MFHAS1: variants seen among roughly 807,000 people sequenced by gnomAD.
The protein encoded by MFHAS1 is malignant fibrous histiocytoma-amplified sequence 1.
Under a neutral mutation model 70.4 loss-of-function variants are expected in MFHAS1, and 50 were observed. The observed-to-expected ratio is 0.71, with a 90% confidence interval of 0.57 to 0.90. The LOEUF is 0.90. MFHAS1 is among the 40% of genes least tolerant of loss of function. The pLI, the probability that MFHAS1 is intolerant of heterozygous loss-of-function variation, is 0.00. For synonymous variants in MFHAS1, 952 were observed against 620.0 expected (o/e 1.54, Z -7.96); for missense variants, 1,795 against 1,347.6 (o/e 1.33, Z -5.20).
At chr8:8,817,159 T>A (rs921494905) in intron 1 of MFHAS1, among the ~76,000 whole-genome samples, 1 of 151,904 alleles carries the variant, frequency 6.6e-6, no homozygotes, top group Non-Finnish European at 1.5e-5. Flanking sequence ...AAGAGCACCA[T>A]CCTCTCTCCA....
At chr8:8,874,001 A>G (rs1243200579) in intron 1 of MFHAS1, among the ~76,000 whole-genome samples, 1 of 152,238 alleles carries the variant, frequency 6.6e-6, no homozygotes, top group Non-Finnish European at 1.5e-5. Context: ...GTGTTCCAAT[A>G]CACATCACCA....
chr8:8,784,456 T>C lies in MFHAS1; in HGVS notation c.*1566A>G, dbSNP rs924702180. Reference sequence around the variant, plus strand: ...GTCTGATCCCATTCGATTTTTATCATCATAAGAAATCATTCTCTGAACTGC... The same window carrying C: ...GTCTGATCCCATTCGATTTTTATCACCATAAGAAATCATTCTCTGAACTGC... On this transcript the variant is annotated 3_prime_UTR_variant, in exon 3 of 3. Coordinates refer to ENST00000276282, the MANE Select transcript of MFHAS1 (RefSeq NM_004225.3). The C allele has an allele frequency of 5.3e-5, 8 of 152,240 alleles. No homozygotes were observed. Among genetic ancestry groups the C allele is most frequent in the Admixed American group, 5.2e-4 (8 of 15,286 alleles). 9.4% of individuals were successfully genotyped at this position (152,240 alleles called of 1,614,324 possible).
At chr8:8,871,486 G>A (rs1220440712) in intron 1 of MFHAS1, among the ~76,000 whole-genome samples, 2 of 152,154 alleles carry the variant, frequency 1.3e-5, no homozygotes, top group Non-Finnish European at 2.9e-5. Context: ...GGAGGTGGAG[G>A]TTGCAGTGAG....
At position 8,832,205 on chromosome 8, in the gene MFHAS1, A is replaced by T. The variant is rs149088039; in HGVS notation, c.2999-34714T>A. Among the ~76,000 whole-genome samples, 678 of 152,192 alleles carry T rather than the reference A, an allele frequency of 4.5e-3. 7 individuals are homozygous for T. Among genetic ancestry groups the T allele is most frequent in the African/African-American group, 0.016 (653 of 41,514 alleles). ...GACAGAAAGAAAGAAAAAAAAAAGT[A>T]CTAACCAGAAGACTTCGACAAATTG... is the stretch of plus-strand genomic sequence containing the variant. On this transcript the variant is annotated intron_variant, in intron 1 of 2. Coordinates refer to ENST00000276282, the MANE Select transcript of MFHAS1 (RefSeq NM_004225.3).
At chr8:8,875,781 C>G (rs374627397) in intron 1 of MFHAS1, among the ~76,000 whole-genome samples, 1 of 152,214 alleles carries the variant, frequency 6.6e-6, no homozygotes, top group South Asian at 2.1e-4. Flanking sequence ...TTACTAGAGA[C>G]GGGGTTTCAC....
chr8:8,891,326 T>C lies in MFHAS1; in HGVS notation c.1733A>G (p.Glu578Gly). 1 of 1,611,252 alleles carries C rather than the reference T, an allele frequency of 6.2e-7. No homozygotes were observed. Reference sequence around the variant, plus strand: ...CAGCTCGAAGTCCCGGGCCAGTGCCTCGTCCACCACCTTGGCCAAGCGGCT... The same window carrying C: ...CAGCTCGAAGTCCCGGGCCAGTGCCCCGTCCACCACCTTGGCCAAGCGGCT... ...GLSRLAKVVDEALARDFELRS... is the reference protein window; with the variant it reads ...GLSRLAKVVDGALARDFELRS... The change falls in exon 1 of 3, where the codon GAG (glutamate) becomes GGG (glycine). Residue 578 changes from glutamate (E) to glycine (G), a missense_variant. Coordinates refer to ENST00000276282, the MANE Select transcript of MFHAS1 (RefSeq NM_004225.3). This position sits in a 1 kb window ranked among gnomAD's most constrained non-coding sequence, Gnocchi z 5.4.
chr8:8,841,865 T>C (rs1807839646), intron 1 of MFHAS1, among the ~76,000 whole-genome samples: 2 of 152,350 alleles, frequency 1.3e-5, no homozygotes, highest in Non-Finnish European at 1.5e-5. Context: ...TTAGGAAATA[T>C]GCCATCCTAC....
At chr8:8,796,275 G>T (rs993460407) in intron 2 of MFHAS1, among the ~76,000 whole-genome samples, 5 of 152,112 alleles carry the variant, frequency 3.3e-5, no homozygotes, top group African/African-American at 1.2e-4. Context: ...GACTGACTCC[G>T]CAATCAGAAC....
chr8:8,860,406 C>A (rs961714186), intron 1 of MFHAS1, among the ~76,000 whole-genome samples: 1 of 152,236 alleles, frequency 6.6e-6, no homozygotes, highest in African/African-American at 2.4e-5. Context: ...GGAGAAAATA[C>A]GCCAGTTAGG....
At chr8:8,834,137 A>C (rs567032327) in intron 1 of MFHAS1, among the ~76,000 whole-genome samples, 51 of 151,698 alleles carry the variant, frequency 3.4e-4, no homozygotes, top group Non-Finnish European at 5.2e-4. Flanking sequence ...AAAAACAAAA[A>C]AAACAAAACA....
At chr8:8,845,666 G>A (rs1048140441) in intron 1 of MFHAS1, among the ~76,000 whole-genome samples, 1 of 152,082 alleles carries the variant, frequency 6.6e-6, no homozygotes, top group African/African-American at 2.4e-5. Context: ...TAAGCTTAGT[G>A]TTATACTCTG....
chr8:8,867,135 A>G (rs1808889120), intron 1 of MFHAS1, among the ~76,000 whole-genome samples: 1 of 152,210 alleles, frequency 6.6e-6, no homozygotes, highest in African/African-American at 2.4e-5. Context: ...TAAAGGAAAC[A>G]AGATAATAAA....
chr8:8,851,873 G>T (rs186629920), intron 1 of MFHAS1, among the ~76,000 whole-genome samples: 2 of 152,164 alleles, frequency 1.3e-5, no homozygotes, highest in Admixed American at 6.5e-5. Flanking sequence ...CTTGAAAAGC[G>T]ATCACAGTGT....
At chr8:8,843,352 G>T (rs1295510728) in intron 1 of MFHAS1, among the ~76,000 whole-genome samples, 1 of 151,994 alleles carries the variant, frequency 6.6e-6, no homozygotes, top group African/African-American at 2.4e-5. Flanking sequence ...GGGAGGCTCA[G>T]GTGGGCAAAT....
At chr8:8,796,981 G>C (rs1227186330) in intron 2 of MFHAS1, among the ~76,000 whole-genome samples, 1 of 152,114 alleles carries the variant, frequency 6.6e-6, no homozygotes, top group Non-Finnish European at 1.5e-5. Context: ...GGGTGACAGA[G>C]CGAGACTCCA....
At chr8:8,833,056 G>A (rs532026863) in intron 1 of MFHAS1, among the ~76,000 whole-genome samples, 11 of 152,236 alleles carry the variant, frequency 7.2e-5, no homozygotes, top group African/African-American at 2.4e-4. Context: ...GGGAGCAGGT[G>A]TCTTACATGG....
chr8:8,880,418 TAGGAGGAAG>T (rs1442259740), intron 1 of MFHAS1, among the ~76,000 whole-genome samples: 1 of 152,012 alleles, frequency 6.6e-6, no homozygotes, highest in Non-Finnish European at 1.5e-5. Flanking sequence ...TTTCACTCAA[TAGGAGGAAG>T]AGGAGGAGGA....
intron 2 of MFHAS1, among the ~76,000 whole-genome samples, chr8:8,795,845 C>T (rs1224204271): frequency 6.6e-6 from 1 of 152,174 alleles, no homozygotes; most frequent in Non-Finnish European, 1.5e-5. Flanking sequence ...ACTTTCCAAG[C>T]TCCCTAAAAA....
chr8:8,872,843 G>C (rs1209708531), intron 1 of MFHAS1, among the ~76,000 whole-genome samples: 1 of 152,158 alleles, frequency 6.6e-6, no homozygotes, highest in Non-Finnish European at 1.5e-5. Context: ...GCACATGTGT[G>C]TTTTTCTTGG....
Sources: gnomAD v4.1 joint callset for allele counts (sites outside exome capture counted in the v4.1 genomes callset) on GRCh38, gnomAD v4.1.1 for gene constraint, Gnocchi (gnomAD v3.1) non-coding constraint, MANE v1.5 for transcripts, NCBI Gene and HGNC (gene_info 2026-07-23, HGNC 2026-07-21) for gene names.